The following TENM3 variants were observed in gnomAD, a reference collection of about 807,000 sequenced individuals.
TENM3 encodes the protein teneurin transmembrane protein 3.
TENM3 carries 63 observed loss-of-function variants against 255.1 expected under a neutral mutation model. The ratio of observed to expected loss-of-function variants is 0.25; its 90% confidence interval spans 0.20 to 0.30. TENM3 has a LOEUF of 0.30. Ranked by LOEUF, TENM3 falls within the 10% of genes least tolerant of loss-of-function variation. The pLI is 1.00. For synonymous variants in TENM3, 1,306 were observed against 1,322.3 expected (o/e 0.99, Z 0.27); for missense variants, 2,929 against 3,461.1 (o/e 0.85, Z 3.86).
intron 3 of TENM3, among the ~76,000 whole-genome samples, chr4:182,423,874 A>G (rs187927985): frequency 9.2e-5 from 14 of 152,298 alleles, no homozygotes; most frequent in African/African-American, 3.4e-4. Context: ...CATTAAACAT[A>G]TGCCTTCCGT....
the TENM3 span, among the ~76,000 whole-genome samples, chr4:181,767,019 G>C: frequency 6.8e-6 from 1 of 147,654 alleles, no homozygotes; most frequent in Non-Finnish European, 1.5e-5. Context: ...TTGGGAGGCC[G>C]AGGCGGGCGG....
intron 4 of TENM3, among the ~76,000 whole-genome samples, chr4:182,625,030 T>G (rs1750686838): frequency 6.6e-6 from 1 of 152,178 alleles, no homozygotes; most frequent in Non-Finnish European, 1.5e-5. Context: ...CAAATAGGCA[T>G]TTTATTCTTC....
chr4:182,633,456 C>A (rs916107584), intron 5 of TENM3, among the ~76,000 whole-genome samples: 3 of 152,028 alleles, frequency 2.0e-5, no homozygotes, highest in Non-Finnish European at 4.4e-5. Flanking sequence ...AGAAGAAAGG[C>A]GATACCTACG....
intron 12 of TENM3, among the ~76,000 whole-genome samples, chr4:182,702,474 C>G (rs1025145325): frequency 6.6e-6 from 1 of 152,090 alleles, no homozygotes; most frequent in African/African-American, 2.4e-5. Context: ...ATACCAGCTC[C>G]CTCATGAGTT....
chr4:182,510,853 C>T (rs1329098671), intron 3 of TENM3, among the ~76,000 whole-genome samples: 1 of 152,280 alleles, frequency 6.6e-6, no homozygotes, highest in Admixed American at 6.5e-5. Context: ...GGGATCTGAG[C>T]GCATCCTGCA....
chr4:182,406,616 A>G (rs1769599503), intron 3 of TENM3, among the ~76,000 whole-genome samples: 1 of 152,224 alleles, frequency 6.6e-6, no homozygotes, highest in Admixed American at 6.5e-5. Context: ...GTTACTGTTT[A>G]CAGTGGATGT....
At chr4:181,824,172 A>G in the TENM3 span, among the ~76,000 whole-genome samples, 39,288 of 151,864 alleles carry the variant, frequency 0.26, 6,116 homozygotes, top group Middle Eastern at 0.37. Context: ...TGCAGTCACA[A>G]CTCACTGCAG....
At chr4:181,867,028 C>A in the TENM3 span, among the ~76,000 whole-genome samples, 2 of 152,106 alleles carry the variant, frequency 1.3e-5, no homozygotes, top group Non-Finnish European at 2.9e-5. Flanking sequence ...GCTACAGATC[C>A]CCCAATAAAC....
intron 5 of TENM3, among the ~76,000 whole-genome samples, chr4:182,637,289 T>G (rs1464399553): frequency 6.6e-6 from 1 of 152,192 alleles, no homozygotes; most frequent in African/African-American, 2.4e-5. Context: ...AATTTAAATT[T>G]GTATAGAGTT....
chr4:181,896,194 G>C, the TENM3 span, among the ~76,000 whole-genome samples: 2 of 152,288 alleles, frequency 1.3e-5, no homozygotes, highest in South Asian at 2.1e-4. Context: ...TGAGTGATTT[G>C]TTGGGAAGTG....
the TENM3 span, among the ~76,000 whole-genome samples, chr4:181,908,496 T>TA: frequency 5.3e-5 from 8 of 152,210 alleles, no homozygotes; most frequent in Admixed American, 5.2e-4. Flanking sequence ...TATTGGGTGA[T>TA]ACATTTTAAA....
the TENM3 span, among the ~76,000 whole-genome samples, chr4:181,710,437 G>T: frequency 6.6e-6 from 1 of 152,216 alleles, no homozygotes; most frequent in South Asian, 2.1e-4. Flanking sequence ...AATGCGGTAG[G>T]CTGGGCACGG....
chr4:181,807,616 G>A, the TENM3 span, among the ~76,000 whole-genome samples: 1 of 152,168 alleles, frequency 6.6e-6, no homozygotes, highest in East Asian at 1.9e-4. Context: ...GCCTCCCAAA[G>A]TGCTGGAATT....
At chr4:181,500,098 G>A in the TENM3 span, among the ~76,000 whole-genome samples, 2 of 151,568 alleles carry the variant, frequency 1.3e-5, no homozygotes, top group South Asian at 2.1e-4. Context: ...GTGTGATCTC[G>A]GCTCACTGCA....
chr4:181,791,451 C>T, the TENM3 span, among the ~76,000 whole-genome samples: 1 of 152,038 alleles, frequency 6.6e-6, no homozygotes, highest in Non-Finnish European at 1.5e-5. Flanking sequence ...TAAAGTTGAA[C>T]ATCCGGGGTA....
At chr4:182,061,491 A>G in the TENM3 span, among the ~76,000 whole-genome samples, 1 of 152,132 alleles carries the variant, frequency 6.6e-6, no homozygotes. Flanking sequence ...AGTGCTGAAC[A>G]AGAGGTTCTA....
At chr4:182,512,271 A>G (rs1737480236) in intron 3 of TENM3, among the ~76,000 whole-genome samples, 2 of 152,286 alleles carry the variant, frequency 1.3e-5, no homozygotes, top group Admixed American at 6.5e-5. Flanking sequence ...GGCCTTCTCC[A>G]TGGTCTCTTT....
intron 1 of TENM3, among the ~76,000 whole-genome samples, chr4:182,277,785 T>G (rs984736489): frequency 6.6e-6 from 1 of 152,246 alleles, no homozygotes; most frequent in Non-Finnish European, 1.5e-5. Flanking sequence ...AGTGGTCCAG[T>G]TCTATCAATA....
the TENM3 span, among the ~76,000 whole-genome samples, chr4:181,851,983 A>G: frequency 6.6e-6 from 1 of 152,190 alleles, no homozygotes; most frequent in Admixed American, 6.5e-5. Flanking sequence ...TGAGCAGACC[A>G]TCAAATTCAG....
Sources: allele counts gnomAD v4.1 joint callset (sites outside exome capture counted in the v4.1 genomes callset), GRCh38; gene constraint gnomAD v4.1.1; transcripts MANE v1.5; gene names NCBI Gene and HGNC (gene_info 2026-07-23, HGNC 2026-07-21).